GALNTL6: variants seen among roughly 807,000 people sequenced by gnomAD.
GALNTL6 encodes the protein polypeptide N-acetylgalactosaminyltransferase like 6.
Under a neutral mutation model 73.7 loss-of-function variants are expected in GALNTL6, and 46 were observed. The observed-to-expected ratio is 0.62, with a 90% CI of 0.49 to 0.80. GALNTL6 has a LOEUF of 0.80. GALNTL6 is among the 30% of genes least tolerant of loss of function. The pLI is 0.00. For missense variants in GALNTL6, 604 were observed against 755.0 expected, an observed-to-expected ratio of 0.80 and a Z score of 2.34; for synonymous variants, 259 against 263.7, an observed-to-expected ratio of 0.98 and a Z score of 0.17.
At chr4:172,228,867 C>T (rs1442429104) in intron 2 of GALNTL6, among the ~76,000 whole-genome samples, 1 of 152,174 alleles carries the variant, frequency 6.6e-6, no homozygotes, top group Non-Finnish European at 1.5e-5. Context: ...AAATAATTTT[C>T]AAGTTGACAT....
At chr4:172,274,746 C>A (rs1046962986) in intron 3 of GALNTL6, among the ~76,000 whole-genome samples, 2 of 152,172 alleles carry the variant, frequency 1.3e-5, no homozygotes, top group African/African-American at 4.8e-5. Flanking sequence ...TAAGAATTTT[C>A]AGAATTCATA....
chr4:172,527,104 C>T (rs2110834301), intron 5 of GALNTL6, among the ~76,000 whole-genome samples: 1 of 152,238 alleles, frequency 6.6e-6, no homozygotes, highest in East Asian at 1.9e-4. Context: ...GATCTGGAGT[C>T]TAGCATTGTA....
intron 5 of GALNTL6, among the ~76,000 whole-genome samples, chr4:172,557,322 C>T (rs1359509107): frequency 6.6e-6 from 1 of 152,010 alleles, no homozygotes; most frequent in Non-Finnish European, 1.5e-5. Context: ...ACATAGGAGA[C>T]CTTGGGGCTG....
chr4:172,761,746 C>T (rs1396413679), intron 5 of GALNTL6, among the ~76,000 whole-genome samples: 1 of 151,222 alleles, frequency 6.6e-6, no homozygotes, highest in Non-Finnish European at 1.5e-5. Context: ...TTCCCCTTTA[C>T]CTTCTGCCAT....
chr4:172,652,384 G>A, intron 5 of GALNTL6, among the ~76,000 whole-genome samples: 1 of 152,194 alleles, frequency 6.6e-6, no homozygotes, highest in East Asian at 1.9e-4. Context: ...AGTATATGTT[G>A]CATTAGTCGA....
chr4:172,085,291 G>A (rs1731996774), intron 2 of GALNTL6, among the ~76,000 whole-genome samples: 1 of 152,040 alleles, frequency 6.6e-6, no homozygotes, highest in Non-Finnish European at 1.5e-5. Flanking sequence ...TTTAAGGAAG[G>A]GGAAAAATAA....
At position 172,145,636 on chromosome 4, in the gene GALNTL6, A is replaced by G. The variant is rs538064983; in HGVS notation, c.139-84020A>G. On this transcript the variant is annotated intron_variant, in intron 2 of 12. Coordinates refer to ENST00000506823, the MANE Select transcript of GALNTL6 (RefSeq NM_001034845.3). ...TACTAGTATCCATCTAAAATCACAA[A>G]GAAAAATAAAAACATTTTTATTACT... Among the ~76,000 whole-genome samples, 6 of 152,344 alleles carry G rather than the reference A, an allele frequency of 3.9e-5. No individual in the cohort carries two copies. In the East Asian group the frequency reaches 1.2e-3, roughly 29 times the overall value.
intron 4 of GALNTL6, among the ~76,000 whole-genome samples, chr4:172,330,416 T>C (rs1218251859): frequency 6.6e-6 from 1 of 152,244 alleles, no homozygotes; most frequent in African/African-American, 2.4e-5. Flanking sequence ...CCTGGCTCCA[T>C]GTTGCTCCTG....
intron 8 of GALNTL6, among the ~76,000 whole-genome samples, chr4:172,906,956 G>GTCA (rs1746930323): frequency 6.6e-6 from 1 of 152,138 alleles, no homozygotes; most frequent in South Asian, 2.1e-4. Context: ...TTCATAGAAT[G>GTCA]TCATCTAATC....
At chr4:172,255,475 C>A (rs1738041477) in intron 3 of GALNTL6, among the ~76,000 whole-genome samples, 1 of 151,338 alleles carries the variant, frequency 6.6e-6, no homozygotes, top group African/African-American at 2.4e-5. Context: ...GCAAATATAC[C>A]ACAAGTTGGG....
chr4:172,360,835 A>T (rs925279527), intron 5 of GALNTL6, among the ~76,000 whole-genome samples: 2 of 152,172 alleles, frequency 1.3e-5, no homozygotes, highest in African/African-American at 4.8e-5. Flanking sequence ...TTATGTTTTC[A>T]TTATATCAGA....
intron 5 of GALNTL6, among the ~76,000 whole-genome samples, chr4:172,652,480 T>C (rs1460031266): frequency 6.6e-6 from 1 of 152,196 alleles, no homozygotes; most frequent in East Asian, 1.9e-4. Context: ...GACTGAGTTG[T>C]TGAAAGAGAG....
chr4:172,178,470 G>A (rs1171940202), intron 2 of GALNTL6, among the ~76,000 whole-genome samples: 1 of 151,592 alleles, frequency 6.6e-6, no homozygotes, highest in South Asian at 2.1e-4. Flanking sequence ...CTCCCTGTGT[G>A]CATGTGTTCT....
intron 3 of GALNTL6, among the ~76,000 whole-genome samples, chr4:172,296,671 G>C (rs1000703106): frequency 4.6e-5 from 7 of 152,182 alleles, no homozygotes; most frequent in Middle Eastern, 3.4e-3. Flanking sequence ...CTTCATCCAT[G>C]TCCCTACAAA....
intron 2 of GALNTL6, among the ~76,000 whole-genome samples, chr4:171,883,680 C>T (rs1033674046): frequency 6.6e-6 from 1 of 151,224 alleles, no homozygotes; most frequent in Admixed American, 6.6e-5. Flanking sequence ...TAGAGTCTCG[C>T]TCTGTCGCCC....
At chr4:172,892,196 CT>C (rs1363476748) in intron 8 of GALNTL6, among the ~76,000 whole-genome samples, 2 of 152,178 alleles carry the variant, frequency 1.3e-5, no homozygotes, top group African/African-American at 4.8e-5. Context: ...TAGTGCAATC[CT>C]TTGGATGTAA....
chr4:172,550,113 A>C (rs896120934), intron 5 of GALNTL6, among the ~76,000 whole-genome samples: 20 of 152,278 alleles, frequency 1.3e-4, no homozygotes, highest in African/African-American at 4.8e-4. Flanking sequence ...AAATATACAT[A>C]TATTTTTCTC....
intron 5 of GALNTL6, among the ~76,000 whole-genome samples, chr4:172,742,065 C>T (rs1233019777): frequency 1.3e-5 from 2 of 152,018 alleles, no homozygotes; most frequent in African/African-American, 4.8e-5. Flanking sequence ...AAACATCTCT[C>T]AGTTCTCTAG....
chr4:171,978,016 T>G (rs1739773725), intron 2 of GALNTL6, among the ~76,000 whole-genome samples: 1 of 152,142 alleles, frequency 6.6e-6, no homozygotes, highest in East Asian at 1.9e-4. Context: ...TCTTGTATTC[T>G]TTAGAGATTT....
Sources: gnomAD v4.1 joint callset for allele counts (sites outside exome capture counted in the v4.1 genomes callset) on GRCh38, gnomAD v4.1.1 for gene constraint, MANE v1.5 for transcripts, NCBI Gene and HGNC (gene_info 2026-07-23, HGNC 2026-07-21) for gene names.